Variants in STK40 observed in about 807,000 individuals in gnomAD.
STK40 encodes serine/threonine-protein kinase 40.
STK40 carries 13 observed loss-of-function variants against 47.9 expected under a neutral mutation model. The observed-to-expected ratio is 0.27, with a 90% CI of 0.18 to 0.43. The LOEUF (loss-of-function observed/expected upper bound fraction) is 0.43, where lower values mean the gene tolerates loss of function less well. Ranked by LOEUF, STK40 falls within the 20% of genes least tolerant of loss-of-function variation. The pLI, the probability that STK40 is intolerant of heterozygous loss-of-function variation, is 1.00. For missense variants in STK40, 460 were observed against 595.1 expected (o/e 0.77, Z 2.36); for synonymous variants, 225 against 243.2 (o/e 0.93, Z 0.69).
At chr1:36,356,581 A>G (rs1646807384) in intron 4 of STK40, among the ~76,000 whole-genome samples, 1 of 151,870 alleles carries the variant, frequency 6.6e-6, no homozygotes, top group South Asian at 2.1e-4. Context: ...GCCCACCACC[A>G]TGCCCGGCTA....
At chr1:36,376,586 TATCTAAATGGCC>T (rs1646994112) in intron 1 of STK40, among the ~76,000 whole-genome samples, 2 of 152,080 alleles carry the variant, frequency 1.3e-5, no homozygotes, top group African/African-American at 4.8e-5. Flanking sequence ...GGCAGGAAAC[TATCTAAATGGCC>T]ATCCAGAGAG....
chr1:36,347,399 A>G (rs370740399), intron 7 of STK40, among the ~76,000 whole-genome samples: 2 of 152,066 alleles, frequency 1.3e-5, no homozygotes, highest in East Asian at 3.9e-4. Flanking sequence ...AAGAGTTGCG[A>G]GAATGGGCTT....
chr1:36,370,548 G>A (rs1472618770), intron 1 of STK40, among the ~76,000 whole-genome samples: 1 of 152,232 alleles, frequency 6.6e-6, no homozygotes, highest in East Asian at 1.9e-4. Flanking sequence ...AATGCGCGAT[G>A]CAACTGAGGT....
intron 6 of STK40, among the ~76,000 whole-genome samples, chr1:36,354,093 G>A (rs1186266397): frequency 1.3e-5 from 2 of 152,224 alleles, no homozygotes; most frequent in East Asian, 3.9e-4. Flanking sequence ...GTAATTTTAT[G>A]AGTACCCACT....
intron 1 of STK40, among the ~76,000 whole-genome samples, chr1:36,374,932 T>C (rs1002445899): frequency 6.6e-6 from 1 of 152,190 alleles, no homozygotes; most frequent in African/African-American, 2.4e-5. Context: ...GTGCAGTGAC[T>C]CAGTCCTGGA....
chr1:36,364,717 G>A (rs1646886684), intron 1 of STK40, among the ~76,000 whole-genome samples: 1 of 151,952 alleles, frequency 6.6e-6, no homozygotes, highest in African/African-American at 2.4e-5. Flanking sequence ...CCAGCACTTT[G>A]GGAGGCTGAG....
chr1:36,362,874 G>A (rs960151704), intron 1 of STK40, among the ~76,000 whole-genome samples: 1 of 152,122 alleles, frequency 6.6e-6, no homozygotes, highest in Non-Finnish European at 1.5e-5. Context: ...ATTAAGGGAG[G>A]TCTGGCGCAT....
At chr1:36,345,989 A>ATTTTTTTTTTTTTTTTTTTTTTTTTTT (rs1330462605) in intron 7 of STK40, among the ~76,000 whole-genome samples, 1 of 19,584 alleles carries the variant, frequency 5.1e-5, no homozygotes, top group African/African-American at 1.7e-4. Flanking sequence ...ATATATATAT[A>ATTTTTTTTTTTTTTTTTTTTTTTTTTT]TATTTTTTTT....
rs901913063 is a variant in STK40 at position 36,344,350 on chromosome 1, C to T, written c.740-86G>A. On this transcript the variant is annotated intron_variant, in intron 7 of 10. Coordinates refer to ENST00000373132, the MANE Select transcript of STK40 (RefSeq NM_001282547.2). ...TGGAATCCCACCTGGGACCCTCCAC[C>T]TGCCACCCTCACTTCCAGTCCCCCC... 5.4e-6 allele frequency: 8 copies of T among 1,480,842 alleles called. 1 individual carries two copies. The Admixed American group carries it at 1.6e-4, about 29-fold the overall frequency. The allele number at this position is 1,480,842 out of a possible 1,614,324, so 91.7% of individuals were successfully genotyped here.
rs994623286 is a variant in STK40, at chr1:36,340,701, C to T, written c.*1054G>A. The T allele has an allele frequency of 6.5e-5, 10 of 152,690 alleles. No homozygotes were observed. The highest frequency in any genetic ancestry group is 2.2e-4 in the African/African-American group (9 of 41,456). The allele number at this position is 152,690 out of a possible 1,614,324, so 9.5% of individuals were successfully genotyped here. A position where few individuals can be genotyped will look rare whatever the true frequency, so the allele number is the denominator to read the frequency against. ...CAATCCCTACAATTCTCCTGAGTCC[C>T]TCACCACCATGGAGGACCCTTGCTA... On this transcript the variant is annotated 3_prime_UTR_variant, in exon 11 of 11. Transcript: ENST00000373132.
intron 1 of STK40, among the ~76,000 whole-genome samples, chr1:36,370,432 A>G (rs1487355655): frequency 6.6e-6 from 1 of 152,192 alleles, no homozygotes; most frequent in Non-Finnish European, 1.5e-5. Flanking sequence ...GAAAAATTCC[A>G]ACCACTTGCG....
intron 4 of STK40, among the ~76,000 whole-genome samples, chr1:36,357,678 A>G (rs965429653): frequency 5.3e-5 from 8 of 152,120 alleles, no homozygotes; most frequent in Non-Finnish European, 8.8e-5. Context: ...GTTCAGTGGC[A>G]CAATCTTGGC....
chr1:36,384,170 C>T (rs1424404233), intron 1 of STK40, among the ~76,000 whole-genome samples: 1 of 152,072 alleles, frequency 6.6e-6, no homozygotes. Flanking sequence ...GCTGGGATTA[C>T]AGGCCTGTGC....
intron 1 of STK40, among the ~76,000 whole-genome samples, chr1:36,379,698 G>A (rs1474335022): frequency 6.6e-6 from 1 of 152,022 alleles, no homozygotes; most frequent in African/African-American, 2.4e-5. Flanking sequence ...AGCCTCTTTA[G>A]GGAGTGGGAA....
intron 1 of STK40, among the ~76,000 whole-genome samples, chr1:36,367,573 T>C (rs1646913236): frequency 1.3e-5 from 2 of 152,118 alleles, no homozygotes; most frequent in African/African-American, 2.4e-5. Flanking sequence ...CGGAGTCCAG[T>C]GGTATAGTGT....
chr1:36,367,716 C>G, intron 1 of STK40: 1 of 639,868 alleles, frequency 1.6e-6, no homozygotes, highest in Non-Finnish European at 1.9e-6. Context: ...ATCTCCCCAG[C>G]TCAGTCTGTC....
chr1:36,356,106 G>C (rs1335059846), intron 4 of STK40, among the ~76,000 whole-genome samples: 1 of 152,082 alleles, frequency 6.6e-6, no homozygotes. Flanking sequence ...GTTCCTCATC[G>C]GTAAAAGGGA....
intron 1 of STK40, among the ~76,000 whole-genome samples, chr1:36,371,253 TAAG>T (rs1404388861): frequency 4.0e-5 from 6 of 150,292 alleles, no homozygotes; most frequent in African/African-American, 1.5e-4. Context: ...TATACTGTAT[TAAG>T]AAATAATGAC....
rs1646633658 is a variant in STK40, at chr1:36,340,318, CAAG to C, written c.*1434_*1436del. 6.5e-6 allele frequency: 1 copy of C among 152,904 alleles called. No homozygotes were observed. The highest frequency in any genetic ancestry group is 2.4e-5 in the African/African-American group (1 of 41,454). 9.5% of individuals were successfully genotyped at this position (152,904 alleles called of 1,614,324 possible). A position where few individuals can be genotyped will look rare whatever the true frequency, so the allele number is the denominator to read the frequency against. ...TTTTCCAGATGGGGAAACTGAGGCA[CAAG>C]GAGGTTTGGGAACTTGCCCAAGGTC... is the stretch of plus-strand genomic sequence containing the variant. On this transcript the variant is annotated 3_prime_UTR_variant, in exon 11 of 11. Coordinates refer to ENST00000373132, the MANE Select transcript of STK40 (RefSeq NM_001282547.2).
Sources: gnomAD v4.1 joint callset for allele counts (sites outside exome capture counted in the v4.1 genomes callset) on GRCh38, gnomAD v4.1.1 for gene constraint, MANE v1.5 for transcripts, NCBI Gene and HGNC (gene_info 2026-07-23, HGNC 2026-07-21) for gene names.